Variants in HSPG2 observed in about 807,000 individuals in gnomAD.
HSPG2 encodes the protein heparan sulfate proteoglycan 2.
HSPG2 carries 278 observed loss-of-function variants against 526.6 expected under a neutral mutation model. The observed-to-expected ratio is 0.53, with a 90% CI of 0.48 to 0.58. The LOEUF is 0.58. Ranked by LOEUF, HSPG2 falls within the 20% of genes least tolerant of loss-of-function variation. The pLI is 0.00. For synonymous variants in HSPG2, 2,465 were observed against 2,555.4 expected (o/e 0.96, Z 1.07); for missense variants, 5,354 against 6,099.5 (o/e 0.88, Z 4.07).
chr1:21,862,400 C>T (rs955872573), intron 37 of HSPG2, among the ~76,000 whole-genome samples: 3 of 151,542 alleles, frequency 2.0e-5, no homozygotes, highest in South Asian at 2.1e-4. Context: ...CTGGCTGACA[C>T]GGTGAAACCC....
intron 39 of HSPG2, among the ~76,000 whole-genome samples, chr1:21,861,004 A>G (rs577455288): frequency 6.6e-6 from 1 of 152,340 alleles, no homozygotes; most frequent in East Asian, 1.9e-4. Flanking sequence ...GGCTTCCAAG[A>G]GGATGGGACT....
chr1:21,852,852 G>A lies in HSPG2; in HGVS notation c.6592-20C>T. On this transcript the variant is annotated intron_variant, in intron 51 of 96. Transcript: ENST00000374695. ...GTGGGTCTGTGTGCAAATGGGGTGG[G>A]TTGGGAGGGGGCTGGAACAGTCCCA... The A allele has an allele frequency of 6.4e-7, 1 of 1,566,106 alleles. No homozygotes were observed. The highest frequency in any genetic ancestry group is 1.1e-5 in the South Asian group (1 of 90,178).
At chr1:21,837,201 A>G (rs1053809325) in intron 74 of HSPG2, among the ~76,000 whole-genome samples, 195 bp from the exon 75 acceptor site, 6 of 152,200 alleles carry the variant, frequency 3.9e-5, no homozygotes, top group Non-Finnish European at 5.9e-5. Context: ...CAACATGGAT[A>G]AGGGCCTGTG....
chr1:21,918,429 C>A (rs1051447399), intron 1 of HSPG2, among the ~76,000 whole-genome samples: 3 of 149,960 alleles, frequency 2.0e-5, no homozygotes, highest in African/African-American at 7.4e-5. Context: ...GGCGCCACTG[C>A]ACTCCAGCAT....
In HSPG2 at chr1:21,850,090, G is replaced by C; in HGVS notation, c.7397C>G (p.Ala2466Gly). The change falls in exon 57 of 97, where the codon GCC (alanine) becomes GGC (glycine). Residue 2466 changes from alanine (A) to glycine (G), a missense_variant. By Grantham distance (60) the Ala-to-Gly change is moderately conservative (BLOSUM62 0). Transcript: ENST00000374695. ...CCCGCGCTTGTGCCACGTGACCTGGGCATGGGCCTGACCAGCAACGAGGCA... is the reference window on the plus strand; with the variant it reads ...CCCGCGCTTGTGCCACGTGACCTGGCCATGGGCCTGACCAGCAACGAGGCA... ...LNCLVAGQAH[A>G]QVTWHKRGGS... is the part of the protein sequence containing the mutation. 1 of 1,613,508 alleles carries C rather than the reference G, an allele frequency of 6.2e-7. No individual in the cohort carries two copies. Among genetic ancestry groups the C allele is most frequent in the Non-Finnish European group, 8.5e-7 (1 of 1,180,032 alleles).
chr1:21,854,911 G>A lies in HSPG2; in HGVS notation c.6070C>T (p.Leu2024Phe), dbSNP rs1639213181. The change falls in exon 48 of 97, where the codon CTC becomes TTC. Residue 2024 changes from leucine (L) to phenylalanine (F), a missense_variant. Coordinates refer to ENST00000374695, the MANE Select transcript of HSPG2 (RefSeq NM_005529.7). ...AITTADAGFYLCVATSPAGTA... is the reference protein window; with the variant it reads ...AITTADAGFYFCVATSPAGTA... The stretch of plus-strand genomic sequence containing the variant: ...CCTGCAGGGCTGGTGGCCACGCAGA[G>A]GTAGAAGCCGGCGTCAGCAGTCGTG... 6.2e-7 allele frequency: 1 copy of A among 1,614,154 alleles called. No individual in the cohort carries two copies. The highest frequency in any genetic ancestry group is 8.5e-7 in the Non-Finnish European group (1 of 1,180,030).
At chr1:21,829,876 CCTCTGGCTTGGGAATCGT>C in intron 86 of HSPG2, 99 bp downstream of exon 86, 2 of 964,064 alleles carry the variant, frequency 2.1e-6, no homozygotes, top group Non-Finnish European at 3.2e-6. Flanking sequence ...ACTTCGAGAT[CCTCTGGCTTGGGAATCGT>C]TTTATCATCC....
intron 13 of HSPG2, among the ~76,000 whole-genome samples, chr1:21,884,271 C>A (rs941127057): frequency 6.6e-6 from 1 of 152,184 alleles, no homozygotes; most frequent in Admixed American, 6.5e-5. Context: ...ACGTCAGGAT[C>A]TGAAGCTGGA....
chr1:21,829,326 C>T, intron 87 of HSPG2, 57 bp downstream of exon 87: 1 of 1,565,084 alleles, frequency 6.4e-7, no homozygotes. Flanking sequence ...GCTTGAAGAG[C>T]CGAGGGGGGC....
At chr1:21,933,110 C>G (rs914912310) in intron 1 of HSPG2, among the ~76,000 whole-genome samples, 11 of 149,872 alleles carry the variant, frequency 7.3e-5, no homozygotes, top group South Asian at 2.1e-4. Flanking sequence ...GTCCCAGCTA[C>G]TCAGGGGGCT....
At chr1:21,885,209 G>C in intron 10 of HSPG2, 52 bp from the exon 11 acceptor site, 1 of 1,598,796 alleles carries the variant, frequency 6.3e-7, no homozygotes, top group South Asian at 1.1e-5. Context: ...AAGGAGGAGC[G>C]GAAGGAGGGC....
Position 21,830,974 on chromosome 1 carries a change from G to A in HSPG2, c.11671+8C>T, listed in dbSNP as rs754486056. On this transcript the variant is annotated splice_region_variant and intron_variant, in intron 85 of 96. Transcript: ENST00000374695. ...GGGGCGACAGCGACTGGCGGTCGGGGTGCGTACCTGGATGGCAGTGCAGGG... is the reference window on the plus strand; with the variant it reads ...GGGGCGACAGCGACTGGCGGTCGGGATGCGTACCTGGATGGCAGTGCAGGG... 5.1e-6 allele frequency: 8 copies of A among 1,563,228 alleles called. No individual in the cohort carries two copies. In the African/African-American group the frequency reaches 9.4e-5, roughly 18 times the overall value.
At chr1:21,896,348 A>G (rs760693249) in intron 1 of HSPG2, 38 bp from the exon 2 acceptor site, 16 of 1,607,110 alleles carry the variant, frequency 1.0e-5, no homozygotes, top group African/African-American at 1.3e-5. Flanking sequence ...CACTCTCTCC[A>G]GCTCCCACTG....
chr1:21,827,240 C>A (rs1367089664), intron 91 of HSPG2, among the ~76,000 whole-genome samples: 1 of 152,138 alleles, frequency 6.6e-6, no homozygotes, highest in African/African-American at 2.4e-5. Context: ...TTTACTCTCA[C>A]ATAAAATTTT....
rs145498753 is a variant in HSPG2 at position 21,829,267 on chromosome 1, G to A, written c.11992+116C>T. ...GACACAGAGACGAAATGCACAGGAA[G>A]AGGGGACTTGCCCTGATCCCTGCAT... On this transcript the variant is annotated intron_variant, in intron 87 of 96. Coordinates refer to ENST00000374695, the MANE Select transcript of HSPG2 (RefSeq NM_005529.7). 8.8e-3 allele frequency: 12,122 copies of A among 1,370,376 alleles called. 102 individuals carry two copies. Among genetic ancestry groups the A allele is most frequent in the Middle Eastern group, 0.016 (82 of 5,028 alleles). The allele number at this position is 1,370,376 out of a possible 1,614,324, so 84.9% of individuals were successfully genotyped here.
rs774798773 is a variant in HSPG2, at chr1:21,831,746, G to A, written c.11258C>T (p.Ala3753Val). The A allele has an allele frequency of 6.2e-7, 1 of 1,605,924 alleles. No homozygotes were observed. Among genetic ancestry groups the A allele is most frequent in the Non-Finnish European group, 8.5e-7 (1 of 1,174,410 alleles). Residue 3753 changes from alanine to valine, a missense_variant, in exon 82 of 97, where the codon GCC (alanine) becomes GTC (valine). By Grantham distance (64) the Ala-to-Val change is moderately conservative. Transcript: ENST00000374695. ...MATIRHPTPL[A>V]LGHFHTVTLL... ...GGTCACGGTGTGGAAATGGCCCAGGGCCAGTGGTGTGGGATGGCGGATGGT... is the reference window on the plus strand; with the variant it reads ...GGTCACGGTGTGGAAATGGCCCAGGACCAGTGGTGTGGGATGGCGGATGGT...
Position 21,827,926 on chromosome 1 carries a change from A to G in HSPG2, c.12533-7T>C, listed in dbSNP as rs549867852. 6.2e-7 allele frequency: 1 copy of G among 1,604,544 alleles called. No individual in the cohort carries two copies. Among genetic ancestry groups the G allele is most frequent in the Non-Finnish European group, 8.5e-7 (1 of 1,176,012 alleles). On this transcript the variant is annotated splice_polypyrimidine_tract_variant and splice_region_variant and intron_variant, in intron 90 of 96. Transcript: ENST00000374695. ...GCTATGCCATGTCCAGAGCCTATGGAGAAGGGCAGGGTCCAGTTGGTGGGC... is the reference window on the plus strand; with the variant it reads ...GCTATGCCATGTCCAGAGCCTATGGGGAAGGGCAGGGTCCAGTTGGTGGGC...
chr1:21,875,789 G>C (rs1439643311), intron 24 of HSPG2, 42 bp from the exon 25 acceptor site: 3 of 1,606,240 alleles, frequency 1.9e-6, no homozygotes, highest in Non-Finnish European at 2.5e-6. Context: ...CTGACGTCCT[G>C]GAGTATTGAA....
Position 21,846,580 on chromosome 1 carries a change from G to C in HSPG2, c.8184C>G (p.Pro2728=), listed in dbSNP as rs200673088. The change falls in exon 63 of 97, where the codon CCC becomes CCG. Residue 2728 remains proline, a synonymous_variant. Transcript: ENST00000374695. ...GTGAGGAGGATGACTCAATTCTGATGGGCATGGAGCTGCCAGGGGCTGGGG... is the reference window on the plus strand; with the variant it reads ...GTGAGGAGGATGACTCAATTCTGATCGGCATGGAGCTGCCAGGGGCTGGGG... ...GSPSAPGSSM[P]IRIESSSSHV... 127 of 1,613,664 alleles carry C rather than the reference G, an allele frequency of 7.9e-5. 1 individual carries two copies. In the South Asian group the frequency reaches 1.4e-3, roughly 17 times the overall value.
Sources: gnomAD v4.1 joint callset for allele counts (sites outside exome capture counted in the v4.1 genomes callset) on GRCh38, gnomAD v4.1.1 for gene constraint, MANE v1.5 for transcripts, NCBI Gene and HGNC (gene_info 2026-07-23, HGNC 2026-07-21) for gene names.